The following NPAT variants were observed in gnomAD, a reference collection of about 807,000 sequenced individuals.
NPAT encodes nuclear protein, coactivator of histone transcription.
A neutral mutation model predicts 130.7 loss-of-function variants in NPAT; 52 were observed. That is an observed-to-expected ratio of 0.40 (90% CI 0.32 to 0.50). The LOEUF (loss-of-function observed/expected upper bound fraction) is 0.50, where lower values mean the gene tolerates loss of function less well. Ranked by LOEUF, NPAT falls within the 20% of genes least tolerant of loss-of-function variation. The pLI is 0.68. For synonymous variants in NPAT, 580 were observed against 584.8 expected (o/e 0.99, Z 0.12); for missense variants, 1,687 against 1,662.6 (o/e 1.01, Z -0.26).
chr11:108,190,907 T>C (rs376294865), intron 4 of NPAT, among the ~76,000 whole-genome samples: 1 of 152,142 alleles, frequency 6.6e-6, no homozygotes. Flanking sequence ...ACTCTGTCTC[T>C]ATAAAATGAA....
chr11:108,176,328 T>C lies in NPAT; in HGVS notation c.1050A>G (p.Gln350=), dbSNP rs758001831. The C allele has an allele frequency of 3.2e-6, 5 of 1,560,506 alleles. No homozygotes were observed. The highest frequency in any genetic ancestry group is 1.7e-4 in the Middle Eastern group (1 of 5,972). Residue 350 remains glutamine, a synonymous_variant, in exon 12 of 18, where the codon CAA becomes CAG. Coordinates refer to ENST00000278612, the MANE Select transcript of NPAT (RefSeq NM_002519.3). ...NKNISQSISS[Q]PMESNPSIVL... is the part of the protein sequence containing the mutation. The stretch of plus-strand genomic sequence containing the variant: ...CTATACTGGGATTGGATTCCATAGG[T>C]TGACTGGAAATACTTTGTGATATAT...
intron 1 of NPAT, among the ~76,000 whole-genome samples, chr11:108,219,140 G>C (rs1279949325): frequency 1.3e-5 from 2 of 152,010 alleles, no homozygotes; most frequent in Non-Finnish European, 2.9e-5. Context: ...CTCTTCTGTC[G>C]GCCTGCTACT....
intron 15 of NPAT, among the ~76,000 whole-genome samples, chr11:108,164,684 G>A (rs1327692226): frequency 6.6e-6 from 1 of 152,162 alleles, no homozygotes; most frequent in African/African-American, 2.4e-5. Flanking sequence ...GGCTATAGGA[G>A]AGGTTGGCTG....
intron 1 of NPAT, among the ~76,000 whole-genome samples, chr11:108,198,608 G>A (rs2078246389): frequency 6.6e-6 from 1 of 152,118 alleles, no homozygotes; most frequent in African/African-American, 2.4e-5. Flanking sequence ...CCCATGACCA[G>A]AGTGAGAACT....
At chr11:108,206,929 G>C (rs1202268473) in intron 1 of NPAT, among the ~76,000 whole-genome samples, 1 of 152,156 alleles carries the variant, frequency 6.6e-6, no homozygotes, top group African/African-American at 2.4e-5. Context: ...TACCCACAGT[G>C]GGAAGCTCCT....
chr11:108,175,667 GCA>G (rs1321278284), intron 12 of NPAT, among the ~76,000 whole-genome samples: 1 of 152,154 alleles, frequency 6.6e-6, no homozygotes, highest in Non-Finnish European at 1.5e-5. Context: ...ATTAAAGGAG[GCA>G]CACAGTCTGA....
At chr11:108,169,657 G>A (rs1031036528) in intron 15 of NPAT, 87 bp downstream of exon 15, 12 of 949,852 alleles carry the variant, frequency 1.3e-5, no homozygotes, top group Non-Finnish European at 1.9e-5. Flanking sequence ...AATGGTTTAG[G>A]TATTCAGAAA....
At chr11:108,169,678 A>G in intron 15 of NPAT, 66 bp downstream of exon 15, 1 of 1,112,232 alleles carries the variant, frequency 9.0e-7, no homozygotes, top group Non-Finnish European at 1.4e-6. Context: ...GAAAACATTT[A>G]GGTGTTGCTG....
At chr11:108,207,089 C>A (rs2078333564) in intron 1 of NPAT, among the ~76,000 whole-genome samples, 1 of 152,126 alleles carries the variant, frequency 6.6e-6, no homozygotes, top group African/African-American at 2.4e-5. Context: ...GTGGGTAGCT[C>A]CTTTCTGCAG....
At position 108,188,640 on chromosome 11, in the gene NPAT, G is replaced by A. The variant is rs185313619; in HGVS notation, c.557-461C>T. 3.2e-4 allele frequency among the ~76,000 whole-genome samples: 48 copies of A among 152,272 alleles called. No individual in the cohort carries two copies. The East Asian group carries it at 8.5e-3, about 27-fold the overall frequency. On this transcript the variant is annotated intron_variant, in intron 6 of 17. Coordinates refer to ENST00000278612, the MANE Select transcript of NPAT (RefSeq NM_002519.3). ...TACCATGTGTTTTCAGAAGTTTCAA[G>A]TATGCAACAAATAAGATATACCACA...
intron 1 of NPAT, among the ~76,000 whole-genome samples, chr11:108,217,438 G>A (rs1217318530): frequency 6.6e-6 from 1 of 152,094 alleles, no homozygotes; most frequent in Non-Finnish European, 1.5e-5. Context: ...ATATGCTGAA[G>A]AAATTCTTGT....
chr11:108,165,467 TA>T (rs1402073108), intron 15 of NPAT, among the ~76,000 whole-genome samples: 13 of 103,572 alleles, frequency 1.3e-4, no homozygotes, highest in African/African-American at 4.9e-4. Flanking sequence ...TATATATATA[TA>T]TATATTTTTT....
intron 1 of NPAT, among the ~76,000 whole-genome samples, chr11:108,209,888 CAAAAAAAA>C (rs58890849): frequency 9.9e-5 from 7 of 70,804 alleles, no homozygotes; most frequent in South Asian, 4.8e-4. Flanking sequence ...GACTTCATCT[CAAAAAAAA>C]AAAAAAAAAA....
intron 1 of NPAT, among the ~76,000 whole-genome samples, chr11:108,198,999 A>C (rs2078249752): frequency 6.6e-6 from 1 of 152,250 alleles, no homozygotes; most frequent in South Asian, 2.1e-4. Flanking sequence ...CCCAACAGGA[A>C]GCAGGAGTGG....
Position 108,172,440 on chromosome 11 carries a change from T to A in NPAT, c.2544A>T (p.Gly848=), listed in dbSNP as rs1261410315. Residue 848 remains glycine (G), a synonymous_variant, in exon 13 of 18, where the codon GGA becomes GGT. Transcript: ENST00000278612. ...TTGTGGCTGGCATCAACTGTATATA[T>A]CCTCCATCCTTGGAAACACATGGTG... is the stretch of plus-strand genomic sequence containing the variant. ...NVTPCVSKDG[G]YIQLMPATST... is the part of the protein sequence containing the mutation. 1 of 1,614,170 alleles carries A rather than the reference T, an allele frequency of 6.2e-7. No individual in the cohort carries two copies. The highest frequency in any genetic ancestry group is 8.5e-7 in the Non-Finnish European group (1 of 1,180,008).
chr11:108,192,961 A>AAAAC (rs201604114), intron 3 of NPAT, among the ~76,000 whole-genome samples: 4 of 152,180 alleles, frequency 2.6e-5, no homozygotes, highest in Non-Finnish European at 5.9e-5. Context: ...TCTCAAAAAA[A>AAAAC]AAACAAACAA....
intron 1 of NPAT, among the ~76,000 whole-genome samples, chr11:108,212,392 G>A (rs2078392460): frequency 6.6e-6 from 1 of 151,296 alleles, no homozygotes; most frequent in Non-Finnish European, 1.5e-5. Context: ...AGGTGTGGTG[G>A]TGCATGCCTG....
intron 8 of NPAT, among the ~76,000 whole-genome samples, chr11:108,185,850 C>T (rs1223541780): frequency 6.6e-6 from 1 of 152,194 alleles, no homozygotes; most frequent in African/African-American, 2.4e-5. Flanking sequence ...GTGCCTTAGC[C>T]TCCTGAATAG....
chr11:108,222,523 G>A lies in NPAT; in HGVS notation c.14C>T (p.Ser5Leu), dbSNP rs1207044738. 1.9e-6 allele frequency: 3 copies of A among 1,613,894 alleles called. No individual in the cohort carries two copies. The highest frequency in any genetic ancestry group is 2.2e-5 in the East Asian group (1 of 44,876). Residue 5 changes from serine (S) to leucine (L), a missense_variant, in exon 1 of 18, where the codon TCG becomes TTG. Physicochemically the swap from Ser to Leu is moderately radical, Grantham distance 145. Coordinates refer to ENST00000278612, the MANE Select transcript of NPAT (RefSeq NM_002519.3). MLLPSDVARLVLGYL... is the reference protein window; with the variant it reads MLLPLDVARLVLGYL... Reference sequence around the variant, plus strand: ...ACCCAATACAAGCCGGGCTACGTCCGAGGGTAACAACATGATCAAAACCAC... The same window carrying A: ...ACCCAATACAAGCCGGGCTACGTCCAAGGGTAACAACATGATCAAAACCAC...
Sources: allele counts gnomAD v4.1 joint callset (sites outside exome capture counted in the v4.1 genomes callset), GRCh38; gene constraint gnomAD v4.1.1; transcripts MANE v1.5; gene names NCBI Gene and HGNC (gene_info 2026-07-23, HGNC 2026-07-21).